CDC42BPA: variants seen among roughly 807,000 people sequenced by gnomAD.
CDC42BPA encodes serine/threonine-protein kinase MRCK alpha.
A neutral mutation model predicts 223.5 loss-of-function variants in CDC42BPA; 80 were observed. The observed-to-expected ratio is 0.36, with a 90% CI of 0.30 to 0.43. The LOEUF is 0.43. CDC42BPA is among the 20% of genes least tolerant of loss of function. The pLI is 1.00. For missense variants in CDC42BPA, 1,743 were observed against 2,099.9 expected (o/e 0.83, Z 3.32); for synonymous variants, 694 against 718.6 (o/e 0.97, Z 0.55).
At chr1:227,190,930 A>G (rs1669602274) in intron 5 of CDC42BPA, among the ~76,000 whole-genome samples, 1 of 152,208 alleles carries the variant, frequency 6.6e-6, no homozygotes, top group African/African-American at 2.4e-5. Flanking sequence ...TTGTTATAAC[A>G]GAGAAACTAG....
intron 1 of CDC42BPA, among the ~76,000 whole-genome samples, chr1:227,281,441 C>T (rs1688001154): frequency 6.6e-6 from 1 of 152,130 alleles, no homozygotes; most frequent in Non-Finnish European, 1.5e-5. Flanking sequence ...CATTCCAGGT[C>T]CTGTGATTTC....
At chr1:227,109,714 TTTTA>T (rs60530309) in intron 14 of CDC42BPA, among the ~76,000 whole-genome samples, 23,304 of 151,672 alleles carry the variant, frequency 0.15, 2,138 homozygotes, top group African/African-American at 0.25. Context: ...TTTGTAAAAT[TTTTA>T]TTTGTTTTAC....
intron 6 of CDC42BPA, among the ~76,000 whole-genome samples, chr1:227,151,680 T>C (rs567991267): frequency 6.6e-6 from 1 of 152,266 alleles, no homozygotes; most frequent in South Asian, 2.1e-4. Flanking sequence ...TGAGATGGTG[T>C]ATCCCTGTGG....
chr1:227,266,664 C>T (rs755669683), intron 1 of CDC42BPA, among the ~76,000 whole-genome samples: 5 of 152,144 alleles, frequency 3.3e-5, no homozygotes, highest in African/African-American at 7.2e-5. Context: ...TGAAACTACA[C>T]GTTTGTGGCA....
chr1:227,205,284 AT>A (rs780413948), intron 3 of CDC42BPA, among the ~76,000 whole-genome samples: 3,356 of 88,136 alleles, frequency 0.038, 64 homozygotes, highest in African/African-American at 0.045. Context: ...AAAAAAAAAA[AT>A]ATATATATAT....
At chr1:227,149,686 T>C (rs1468245761) in intron 6 of CDC42BPA, among the ~76,000 whole-genome samples, 1 of 152,152 alleles carries the variant, frequency 6.6e-6, no homozygotes, top group Non-Finnish European at 1.5e-5. Context: ...TAGATACAGT[T>C]GACGAGAATA....
intron 34 of CDC42BPA, among the ~76,000 whole-genome samples, chr1:227,010,165 G>A (rs1038827998): frequency 6.6e-6 from 1 of 152,038 alleles, no homozygotes; most frequent in East Asian, 1.9e-4. Context: ...CAAAGCCACT[G>A]GTAGCAAAAA....
intron 1 of CDC42BPA, among the ~76,000 whole-genome samples, chr1:227,310,970 C>G (rs371757239): frequency 3.9e-5 from 6 of 151,950 alleles, no homozygotes; most frequent in African/African-American, 1.2e-4. Flanking sequence ...GGATTACAGG[C>G]GTAAACCACC....
At chr1:227,092,784 C>A (rs1034865092) in intron 15 of CDC42BPA, among the ~76,000 whole-genome samples, 3 of 152,126 alleles carry the variant, frequency 2.0e-5, no homozygotes, top group Admixed American at 6.5e-5. Context: ...CCCAGATTCC[C>A]CAATTGTAAA....
At chr1:227,316,956 A>G (rs367567731) in intron 1 of CDC42BPA, 49 bp downstream of exon 1, 8 of 1,398,882 alleles carry the variant, frequency 5.7e-6, no homozygotes, top group East Asian at 2.3e-5. Flanking sequence ...CAATTAAATC[A>G]TAATGACCAG....
intron 1 of CDC42BPA, among the ~76,000 whole-genome samples, chr1:227,278,329 A>G (rs1222644106): frequency 6.6e-6 from 1 of 150,782 alleles, no homozygotes; most frequent in African/African-American, 2.4e-5. Context: ...TGTGCTTTAA[A>G]TAGAATTCTA....
intron 1 of CDC42BPA, among the ~76,000 whole-genome samples, chr1:227,282,865 T>A (rs1245949657): frequency 1.3e-5 from 2 of 152,216 alleles, no homozygotes; most frequent in Admixed American, 1.3e-4. Context: ...TCATTTTTAA[T>A]GAGTACAGTT....
At chr1:227,278,520 C>T (rs1687496222) in intron 1 of CDC42BPA, among the ~76,000 whole-genome samples, 1 of 152,098 alleles carries the variant, frequency 6.6e-6, no homozygotes, top group African/African-American at 2.4e-5. Context: ...CCAAAACAGC[C>T]TTTAAAATTC....
chr1:227,074,250 G>C lies in CDC42BPA; in HGVS notation c.2586+9C>G, dbSNP rs745398346. On this transcript the variant is annotated intron_variant, in intron 18 of 36. Transcript: ENST00000366766. ...TGATAAGCCTCCATGCAAAATCATA[G>C]AAGCTTACTGTTGCTCGTGTACCCA... 2 of 1,592,390 alleles carry C rather than the reference G, an allele frequency of 1.3e-6. No individual in the cohort carries two copies. Among genetic ancestry groups the C allele is most frequent in the South Asian group, 1.1e-5 (1 of 89,522 alleles).
chr1:227,145,707 C>T lies in CDC42BPA; in HGVS notation c.925G>A (p.Asp309Asn), dbSNP rs1490927322. 6.2e-6 allele frequency: 10 copies of T among 1,613,510 alleles called. No individual in the cohort carries two copies. The stretch of plus-strand genomic sequence containing the variant: ...AGATCCTTAGCATTTTCAGACACAT[C>T]AGTCACTTGGGCTGGAAACTGAAAC... ...ERFQFPAQVT[D>N]VSENAKDLIR... Residue 309 changes from aspartate to asparagine, a missense_variant, in exon 8 of 37, where the codon GAT becomes AAT. Coordinates refer to ENST00000366766, the MANE Select transcript of CDC42BPA (RefSeq NM_001394014.1).
intron 5 of CDC42BPA, among the ~76,000 whole-genome samples, chr1:227,171,272 G>T (rs1666048103): frequency 6.6e-6 from 1 of 152,168 alleles, no homozygotes; most frequent in South Asian, 2.1e-4. Flanking sequence ...AAGTAAATAA[G>T]ATTTGGGTTA....
At chr1:227,002,260 A>G (rs781664990) in intron 35 of CDC42BPA, among the ~76,000 whole-genome samples, 1 of 152,260 alleles carries the variant, frequency 6.6e-6, no homozygotes, top group Admixed American at 6.5e-5. Context: ...TGACTTCTAG[A>G]TAACTTATAG....
intron 5 of CDC42BPA, among the ~76,000 whole-genome samples, chr1:227,177,483 G>T (rs1667169307): frequency 2.0e-5 from 3 of 151,270 alleles, no homozygotes; most frequent in Admixed American, 6.6e-5. Flanking sequence ...TTTTTTCCCT[G>T]TATGTGATAT....
intron 1 of CDC42BPA, among the ~76,000 whole-genome samples, chr1:227,256,948 G>GACACACACAC (rs55961981): frequency 0.015 from 2,177 of 141,064 alleles, 24 homozygotes; most frequent in Admixed American, 0.031. Context: ...TATATATACA[G>GACACACACAC]ACACACACAC....
Sources: allele counts gnomAD v4.1 joint callset (sites outside exome capture counted in the v4.1 genomes callset), GRCh38; gene constraint gnomAD v4.1.1; transcripts MANE v1.5; gene names NCBI Gene and HGNC (gene_info 2026-07-23, HGNC 2026-07-21).